SPAG16: variants seen among roughly 807,000 people sequenced by gnomAD.
SPAG16 encodes sperm associated antigen 16.
SPAG16 carries 86 observed loss-of-function variants against 80.4 expected under a neutral mutation model. The ratio of observed to expected loss-of-function variants is 1.07; its 90% confidence interval spans 0.90 to 1.28. The LOEUF (loss-of-function observed/expected upper bound fraction) is 1.28, where lower values mean the gene tolerates loss of function less well. Among genes scored for constraint, SPAG16 ranks in the 50% most tolerant of loss-of-function variants. SPAG16 has a pLI of 0.00. For missense variants in SPAG16, 870 were observed against 765.3 expected (o/e 1.14, Z -1.61); for synonymous variants, 294 against 265.9 (o/e 1.11, Z -1.03).
intron 7 of SPAG16, among the ~76,000 whole-genome samples, chr2:213,361,524 G>T (rs552571267): frequency 6.6e-6 from 1 of 151,518 alleles, no homozygotes; most frequent in Non-Finnish European, 1.5e-5. Context: ...ATATCACTCT[G>T]TAATAAAAGG....
At chr2:213,572,074 G>T (rs2059931337) in intron 10 of SPAG16, among the ~76,000 whole-genome samples, 1 of 115,458 alleles carries the variant, frequency 8.7e-6, no homozygotes, top group East Asian at 2.4e-4. Flanking sequence ...CTCGAGCCTT[G>T]GTTTTCAGCT....
chr2:214,008,482 C>T (rs985759526), intron 12 of SPAG16, among the ~76,000 whole-genome samples: 4 of 151,808 alleles, frequency 2.6e-5, no homozygotes, highest in Non-Finnish European at 4.4e-5. Context: ...TAGTGGCTCA[C>T]GCCTGTAATC....
At chr2:213,482,235 A>G (rs1189019547) in intron 9 of SPAG16, among the ~76,000 whole-genome samples, 1 of 152,228 alleles carries the variant, frequency 6.6e-6, no homozygotes, top group Non-Finnish European at 1.5e-5. Context: ...GAAGGGCACA[A>G]AGGGGTGGCC....
chr2:213,829,996 T>A (rs535559802), intron 10 of SPAG16, among the ~76,000 whole-genome samples: 35 of 152,250 alleles, frequency 2.3e-4, no homozygotes, highest in Non-Finnish European at 4.6e-4. Flanking sequence ...AAGGACTCTC[T>A]TAGCCACCAT....
At chr2:214,080,326 C>T (rs917234748) in intron 13 of SPAG16, among the ~76,000 whole-genome samples, 22 of 151,968 alleles carry the variant, frequency 1.4e-4, no homozygotes, top group African/African-American at 4.3e-4. Context: ...AGGCCAGGCA[C>T]GGTGGCTCAC....
chr2:213,832,164 A>G (rs2073704494), intron 10 of SPAG16, among the ~76,000 whole-genome samples: 1 of 151,458 alleles, frequency 6.6e-6, no homozygotes, highest in African/African-American at 2.4e-5. Context: ...CGCCTGGCTA[A>G]TTTTTGTATT....
intron 15 of SPAG16, among the ~76,000 whole-genome samples, chr2:214,162,490 C>T (rs935847914): frequency 6.6e-6 from 1 of 152,092 alleles, no homozygotes; most frequent in African/African-American, 2.4e-5. Flanking sequence ...GTACTGGGAA[C>T]AATAATGACT....
intron 10 of SPAG16, among the ~76,000 whole-genome samples, chr2:213,553,746 G>A (rs1223884404): frequency 6.6e-6 from 1 of 152,048 alleles, no homozygotes; most frequent in Non-Finnish European, 1.5e-5. Flanking sequence ...GAGCTAGATT[G>A]TATTGCAAGA....
intron 15 of SPAG16, among the ~76,000 whole-genome samples, chr2:214,236,439 G>A (rs1403145644): frequency 1.3e-5 from 2 of 152,098 alleles, no homozygotes. Flanking sequence ...ATCTTCTGAG[G>A]TCAGGAGTTC....
At chr2:213,833,565 TA>T (rs1230987183) in intron 10 of SPAG16, among the ~76,000 whole-genome samples, 957 of 22,800 alleles carry the variant, frequency 0.042, 342 homozygotes, top group East Asian at 0.11. Context: ...ATAATATATA[TA>T]ATATATATAT....
Position 213,717,155 on chromosome 2 carries a change from CA to C in SPAG16, c.1071-145329del, listed in dbSNP as rs770908115. Reference sequence around the variant, plus strand: ...TCAACTGTGAAAAGCAGAAACTTTTCATTTTTTTTTTTTTTTTTGAGACGGA... The same window carrying C: ...TCAACTGTGAAAAGCAGAAACTTTTCTTTTTTTTTTTTTTTTTGAGACGGA... On this transcript the variant is annotated intron_variant, in intron 10 of 15. Transcript: ENST00000331683. Among the ~76,000 whole-genome samples, 101 of 139,216 alleles carry C rather than the reference CA, an allele frequency of 7.3e-4. 12 individuals are homozygous for C. Among genetic ancestry groups the C allele is most frequent in the South Asian group, 6.2e-3 (27 of 4,348 alleles). 91.3% of individuals were successfully genotyped at this position (139,216 alleles called of 152,430 possible).
chr2:214,016,264 T>C (rs547714712), intron 13 of SPAG16, among the ~76,000 whole-genome samples: 42 of 152,218 alleles, frequency 2.8e-4, no homozygotes, highest in African/African-American at 8.9e-4. Context: ...CCTCACAGCA[T>C]GGTGAAAAGT....
intron 2 of SPAG16, chr2:213,296,914 T>G (rs2062524113): frequency 2.5e-6 from 1 of 402,660 alleles, no homozygotes; most frequent in Non-Finnish European, 4.2e-6. Flanking sequence ...TGCTAGTAGT[T>G]CTGAAAAAGT....
intron 10 of SPAG16, among the ~76,000 whole-genome samples, chr2:213,741,901 C>T (rs1370524413): frequency 6.6e-6 from 1 of 152,078 alleles, no homozygotes; most frequent in Non-Finnish European, 1.5e-5. Context: ...TATAGAGTTA[C>T]ACTAGGTTTC....
intron 10 of SPAG16, among the ~76,000 whole-genome samples, chr2:213,556,728 C>T (rs1019093434): frequency 6.6e-6 from 1 of 152,118 alleles, no homozygotes; most frequent in African/African-American, 2.4e-5. Flanking sequence ...TTGAACTATA[C>T]TCTTTAGACC....
intron 15 of SPAG16, among the ~76,000 whole-genome samples, chr2:214,167,111 A>G (rs1365291018): frequency 6.6e-6 from 1 of 152,154 alleles, no homozygotes; most frequent in Non-Finnish European, 1.5e-5. Flanking sequence ...TGGACTTCAC[A>G]TATGTCTGGA....
chr2:213,638,934 C>A (rs1407797086), intron 10 of SPAG16, among the ~76,000 whole-genome samples: 8 of 152,082 alleles, frequency 5.3e-5, no homozygotes, highest in Non-Finnish European at 7.4e-5. Flanking sequence ...ATGTTAGGTG[C>A]ATATATATTT....
chr2:214,291,467 A>G (rs377317834), intron 15 of SPAG16, among the ~76,000 whole-genome samples: 3,676 of 150,130 alleles, frequency 0.024, 164 homozygotes, highest in African/African-American at 0.085. Flanking sequence ...CACTACGCCC[A>G]GCTAATTTTT....
intron 5 of SPAG16, among the ~76,000 whole-genome samples, chr2:213,327,898 TTTA>T (rs1206519875): frequency 6.6e-6 from 1 of 152,122 alleles, no homozygotes; most frequent in African/African-American, 2.4e-5. Context: ...TACAGAAACA[TTTA>T]TTGAGTAATT....
Sources: gnomAD v4.1 joint callset for allele counts (sites outside exome capture counted in the v4.1 genomes callset) on GRCh38, gnomAD v4.1.1 for gene constraint, MANE v1.5 for transcripts, NCBI Gene and HGNC (gene_info 2026-07-23, HGNC 2026-07-21) for gene names.